Variants in CDH3 observed in about 807,000 individuals in gnomAD.
The protein encoded by CDH3 is cadherin-3.
Under a neutral mutation model 82.0 loss-of-function variants are expected in CDH3, and 54 were observed. The observed-to-expected ratio is 0.66, with a 90% CI of 0.53 to 0.83. The LOEUF is 0.83. CDH3 is among the 40% of genes least tolerant of loss of function. The probability of loss-of-function intolerance (pLI) is 0.00; values close to 1 mark genes in which losing one functional copy is unlikely to be tolerated. For missense variants in CDH3, 1,054 were observed against 1,084.6 expected (o/e 0.97, Z 0.40); for synonymous variants, 446 against 437.9 (o/e 1.02, Z -0.23).
intron 1 of CDH3, among the ~76,000 whole-genome samples, chr16:68,712,288 T>C (rs1331489392): frequency 7.1e-6 from 1 of 140,914 alleles, no homozygotes; most frequent in Non-Finnish European, 1.6e-5. Flanking sequence ...CCTCCCACCT[T>C]GACCTCCTAA....
chr16:68,701,337 A>G (rs926014017), downstream of CDH3, among the ~76,000 whole-genome samples: 1 of 152,148 alleles, frequency 6.6e-6, no homozygotes, highest in African/African-American at 2.4e-5. Flanking sequence ...TCTGCAAAAC[A>G]GAAGCTTAGG....
rs902938826 is a variant in CDH3, at chr16:68,699,837, A to T, written c.*1437A>T. 1 of 152,170 alleles carries T rather than the reference A, an allele frequency of 6.6e-6. No homozygotes were observed. The highest frequency in any genetic ancestry group is 1.5e-5 in the Non-Finnish European group (1 of 68,022). 9.4% of individuals were successfully genotyped at this position (152,170 alleles called of 1,614,324 possible). The stretch of plus-strand genomic sequence containing the variant: ...TCCAGTTGCCTCAGATTTTACATTT[A>T]CAAAATGGGGAGTTTTTGTGGAGAT... On this transcript the variant is annotated 3_prime_UTR_variant, in exon 16 of 16. Transcript: ENST00000264012.
intron 15 of CDH3, chr16:68,696,463 C>A (rs11075694): frequency 4.8e-6 from 1 of 208,378 alleles, no homozygotes; most frequent in African/African-American, 2.3e-5. Context: ...CAGTGCCTCA[C>A]GCCTGTAATC....
chr16:68,649,106 G>A (rs1189215357), intron 2 of CDH3, among the ~76,000 whole-genome samples: 14 of 152,062 alleles, frequency 9.2e-5, no homozygotes, highest in Non-Finnish European at 1.5e-4. Flanking sequence ...AACTTTCATG[G>A]TATTAGTGCA....
Position 68,645,366 on chromosome 16 carries a change from C to T in CDH3, c.-14C>T, listed in dbSNP as rs112643955. On this transcript the variant is annotated 5_prime_UTR_variant, in exon 1 of 16. Coordinates refer to ENST00000264012, the MANE Select transcript of CDH3 (RefSeq NM_001793.6). ...CGCCGTCGCGGCAGCTGCTTCACCCCTCTCTCTGCAGCCATGGGGCTCCCT... is the reference window on the plus strand; with the variant it reads ...CGCCGTCGCGGCAGCTGCTTCACCCTTCTCTCTGCAGCCATGGGGCTCCCT... 6.2e-6 allele frequency: 10 copies of T among 1,612,682 alleles called. No homozygotes were observed. Among genetic ancestry groups the T allele is most frequent in the Non-Finnish European group, 8.5e-6 (10 of 1,179,390 alleles).
intron 1 of CDH3, among the ~76,000 whole-genome samples, chr16:68,706,064 CAAAAAAAAAAAAA>C (rs548695101): frequency 2.8e-5 from 2 of 70,602 alleles, no homozygotes; most frequent in East Asian, 1.2e-3. Context: ...GACTCCGTCT[CAAAAAAAAAAAAA>C]AAAAAAGAGC....
chr16:68,685,455 G>A (rs1961384854), intron 11 of CDH3, 105 bp downstream of exon 11: 3 of 1,282,378 alleles, frequency 2.3e-6, no homozygotes, highest in South Asian at 2.4e-5. Context: ...GTGTCGAGGA[G>A]GGCTATTTGC....
At chr16:68,675,400 C>T (rs545005339) in intron 2 of CDH3, among the ~76,000 whole-genome samples, 2 of 152,244 alleles carry the variant, frequency 1.3e-5, no homozygotes, top group East Asian at 1.9e-4. Context: ...TGATTTCTTG[C>T]GTTGGCCATA....
intron 11 of CDH3, among the ~76,000 whole-genome samples, chr16:68,686,852 C>T (rs528240783): frequency 6.6e-5 from 10 of 152,314 alleles, no homozygotes; most frequent in African/African-American, 2.4e-4. Flanking sequence ...CCTGTAGTCC[C>T]AGCTACTCAG....
At chr16:68,716,350 G>A (rs1236277782) in intron 1 of CDH3, among the ~76,000 whole-genome samples, 1 of 152,098 alleles carries the variant, frequency 6.6e-6, no homozygotes, top group Non-Finnish European at 1.5e-5. Flanking sequence ...GCCAGGCACA[G>A]TGGCTCACTC....
Position 68,698,212 on chromosome 16 carries a change from G to A in CDH3, c.2302G>A (p.Asp768Asn). Residue 768 changes from aspartate (D) to asparagine (N), a missense_variant, in exon 16 of 16, where the codon GAC (aspartate) becomes AAC (asparagine). By Grantham distance (23) the Asp-to-Asn change is conservative. Transcript: ENST00000264012. ...GCAGAACCTGAAGGCGGCTAACACAGACCCCACAGCCCCGCCCTACGACAC... is the reference window on the plus strand; with the variant it reads ...GCAGAACCTGAAGGCGGCTAACACAAACCCCACAGCCCCGCCCTACGACAC... ...IIENLKAANT[D>N]PTAPPYDTLL... 1 of 1,614,232 alleles carries A rather than the reference G, an allele frequency of 6.2e-7. No homozygotes were observed. The highest frequency in any genetic ancestry group is 1.3e-5 in the African/African-American group (1 of 75,056).
intron 2 of CDH3, chr16:68,651,856 G>T: frequency 2.0e-6 from 1 of 491,862 alleles, no homozygotes; most frequent in Non-Finnish European, 4.1e-6. Context: ...CAGCTGTGGA[G>T]CTCTGCCTCC....
chr16:68,699,866 G>C lies in CDH3; in HGVS notation c.*1466G>C, dbSNP rs1020974251. The C allele has an allele frequency of 3.9e-5, 6 of 152,318 alleles. No individual in the cohort carries two copies. The highest frequency in any genetic ancestry group is 7.3e-5 in the Non-Finnish European group (5 of 68,038). 9.4% of individuals were successfully genotyped at this position (152,318 alleles called of 1,614,324 possible). A position where few individuals can be genotyped will look rare whatever the true frequency, so the allele number is the denominator to read the frequency against. On this transcript the variant is annotated 3_prime_UTR_variant, in exon 16 of 16. Coordinates refer to ENST00000264012, the MANE Select transcript of CDH3 (RefSeq NM_001793.6). ...AATGGGGAGTTTTTGTGGAGATTAA[G>C]TGAATTAATATCTGGCACATGGTCC...
chr16:68,645,879 A>G (rs1960044285), intron 2 of CDH3, 129 bp downstream of exon 2: 4 of 695,018 alleles, frequency 5.8e-6, no homozygotes, highest in African/African-American at 3.6e-5. Flanking sequence ...GAGGCGCAGA[A>G]CGCGCCTCGG....
At position 68,645,655 on chromosome 16, in the gene CDH3, C is replaced by T. The variant is rs1293518261; in HGVS notation, c.65C>T (p.Ala22Val). The T allele has an allele frequency of 1.3e-5, 20 of 1,542,812 alleles. No individual in the cohort carries two copies. The East Asian group carries it at 4.6e-4, about 36-fold the overall frequency. Reference sequence around the variant, plus strand: ...GCGCAGGTTTGCTGGCTGCAGTGCGCGGCCTCCGAGCCGTGCCGGGCGGTC... The same window carrying T: ...GCGCAGGTTTGCTGGCTGCAGTGCGTGGCCTCCGAGCCGTGCCGGGCGGTC... ...LLLQVCWLQC[A>V]ASEPCRAVFR... is the part of the protein sequence containing the mutation. Residue 22 changes from alanine to valine, a missense_variant, in exon 2 of 16, where the codon GCG becomes GTG. Coordinates refer to ENST00000264012, the MANE Select transcript of CDH3 (RefSeq NM_001793.6).
intron 15 of CDH3, among the ~76,000 whole-genome samples, chr16:68,697,667 C>T (rs74701239): frequency 2.5e-3 from 378 of 152,266 alleles, no homozygotes; most frequent in Middle Eastern, 6.8e-3. Flanking sequence ...ATTTAAGTTT[C>T]GGAACTACTG....
At chr16:68,711,858 G>C (rs1257894043) in intron 1 of CDH3, among the ~76,000 whole-genome samples, 1 of 151,944 alleles carries the variant, frequency 6.6e-6, no homozygotes, top group Non-Finnish European at 1.5e-5. Flanking sequence ...AGGATAAGAG[G>C]AACAAGGCAG....
chr16:68,658,355 T>C (rs1960464940), intron 2 of CDH3, among the ~76,000 whole-genome samples: 1 of 149,736 alleles, frequency 6.7e-6, no homozygotes, highest in Non-Finnish European at 1.5e-5. Flanking sequence ...GATTCTAAGC[T>C]GTTTCTCATC....
At chr16:68,688,272 C>T (rs1961471817) in intron 12 of CDH3, among the ~76,000 whole-genome samples, 1 of 151,864 alleles carries the variant, frequency 6.6e-6, no homozygotes, top group Non-Finnish European at 1.5e-5. Context: ...ATGCCCACCA[C>T]ACCCGGCTGC....
Sources: gnomAD v4.1 joint callset for allele counts (sites outside exome capture counted in the v4.1 genomes callset) on GRCh38, gnomAD v4.1.1 for gene constraint, MANE v1.5 for transcripts, NCBI Gene and HGNC (gene_info 2026-07-23, HGNC 2026-07-21) for gene names.